The following CEP162 variants were observed in gnomAD, a reference collection of about 807,000 sequenced individuals.
CEP162 encodes the protein centrosomal protein of 162 kDa.
A neutral mutation model predicts 169.2 loss-of-function variants in CEP162; 141 were observed. The ratio of observed to expected loss-of-function variants is 0.83; its 90% CI spans 0.73 to 0.96. The LOEUF (loss-of-function observed/expected upper bound fraction) is 0.96. Ranked by LOEUF, CEP162 falls within the 40% of genes least tolerant of loss-of-function variation. The pLI is 0.00. For missense variants in CEP162, 1,600 were observed against 1,587.2 expected, an observed-to-expected ratio of 1.01 and a Z score of -0.14; for synonymous variants, 540 against 526.4, an observed-to-expected ratio of 1.03 and a Z score of -0.35.
rs148270508 is a variant in CEP162, at chr6:84,207,475, C to T, written c.572-3379G>A. Among the ~76,000 whole-genome samples, 431 of 148,304 alleles carry T rather than the reference C, an allele frequency of 2.9e-3. 2 individuals carry two copies. The highest frequency in any genetic ancestry group is 0.013 in the South Asian group (60 of 4,726). On this transcript the variant is annotated intron_variant, in intron 6 of 26. Transcript: ENST00000403245. ...AGCAAACTGTCGCAAGGACAGAAAA[C>T]GAAACACCGCATGTTCTCACTTATA... is the stretch of plus-strand genomic sequence containing the variant.
At chr6:84,203,076 A>G (rs184200376) in intron 7 of CEP162, among the ~76,000 whole-genome samples, 1 of 152,342 alleles carries the variant, frequency 6.6e-6, no homozygotes, top group East Asian at 1.9e-4. Context: ...ACATAACAAA[A>G]CAACAATATT....
At chr6:84,183,536 T>C (rs2099535803) in intron 13 of CEP162, among the ~76,000 whole-genome samples, 1 of 152,200 alleles carries the variant, frequency 6.6e-6, no homozygotes, top group Non-Finnish European at 1.5e-5. Context: ...CACCCTCTGG[T>C]ACCCAGATTC....
At chr6:84,168,875 T>C (rs1434452184) in intron 18 of CEP162, among the ~76,000 whole-genome samples, 2 of 152,198 alleles carry the variant, frequency 1.3e-5, no homozygotes, top group Non-Finnish European at 2.9e-5. Context: ...AGATACAGTC[T>C]CTGCTCTCTA....
At chr6:84,226,910 A>G (rs1018193878) in intron 1 of CEP162, among the ~76,000 whole-genome samples, 1 of 152,206 alleles carries the variant, frequency 6.6e-6, no homozygotes, top group African/African-American at 2.4e-5. Context: ...CGTAAAGCAG[A>G]CTGCATAGTT....
chr6:84,171,032 A>C (rs1172410986), intron 17 of CEP162, among the ~76,000 whole-genome samples: 3 of 152,194 alleles, frequency 2.0e-5, no homozygotes, highest in Admixed American at 6.5e-5. Context: ...CTCTGGTACA[A>C]TTTATTCTCC....
Position 84,222,435 on chromosome 6 carries a change from T to C in CEP162, c.58-1264A>G, listed in dbSNP as rs529338965. Among the ~76,000 whole-genome samples, 18 of 152,380 alleles carry C rather than the reference T, an allele frequency of 1.2e-4. No homozygotes were observed. The South Asian group carries it at 3.7e-3, about 32-fold the overall frequency. ...TATTTAACAGACTTTTCCAGGACTCTGCTCTTGATCCTTTTTCAATCTCAT... is the reference window on the plus strand; with the variant it reads ...TATTTAACAGACTTTTCCAGGACTCCGCTCTTGATCCTTTTTCAATCTCAT... On this transcript the variant is annotated intron_variant, in intron 2 of 26. Transcript: ENST00000403245.
intron 24 of CEP162, among the ~76,000 whole-genome samples, chr6:84,149,015 T>C (rs951180660): frequency 6.6e-6 from 1 of 152,196 alleles, no homozygotes; most frequent in African/African-American, 2.4e-5. Flanking sequence ...GAAATGCTGA[T>C]GAGTTGGCAG....
At chr6:84,143,545 A>G (rs1228568981) in intron 25 of CEP162, among the ~76,000 whole-genome samples, 1 of 152,028 alleles carries the variant, frequency 6.6e-6, no homozygotes, top group Non-Finnish European at 1.5e-5. Flanking sequence ...AATCTGTACT[A>G]AAGTAGAATG....
In CEP162 at chr6:84,152,798, C is replaced by T. The variant is rs895518334; in HGVS notation, c.3376G>A (p.Gly1126Ser). The T allele has an allele frequency of 1.9e-6, 3 of 1,613,494 alleles. No homozygotes were observed. Among genetic ancestry groups the T allele is most frequent in the Middle Eastern group, 3.3e-4 (2 of 6,062 alleles). Residue 1126 changes from glycine (G) to serine (S), a missense_variant, in exon 23 of 27, where the codon GGC (glycine) becomes AGC (serine). Physicochemically the swap from Gly to Ser is moderately conservative, Grantham distance 56. Coordinates refer to ENST00000403245, the MANE Select transcript of CEP162 (RefSeq NM_014895.4). ...CTTTTGGCAGACATTTCCTCTCTGC[C>T]CTTTGAGTTCTGATTTGATAGCATC... ...RMMLSNQNSKGREEMSAKRAK... is the reference protein window; with the variant it reads ...RMMLSNQNSKSREEMSAKRAK...
intron 13 of CEP162, among the ~76,000 whole-genome samples, chr6:84,180,492 C>A (rs1217033120): frequency 2.0e-5 from 3 of 151,526 alleles, no homozygotes; most frequent in African/African-American, 7.3e-5. Context: ...AAGTTCTGGC[C>A]AGGGCAATCA....
intron 17 of CEP162, 59 bp downstream of exon 17, chr6:84,171,547 A>G: frequency 1.6e-6 from 1 of 607,720 alleles, no homozygotes; most frequent in Non-Finnish European, 2.6e-6. Context: ...TTAACATAAT[A>G]AGAAAATGCT....
intron 13 of CEP162, among the ~76,000 whole-genome samples, chr6:84,178,150 CAAAT>C (rs10585276): frequency 0.1 from 15,917 of 152,054 alleles, 1,392 homozygotes; most frequent in African/African-American, 0.24. Context: ...GATCCTGAAT[CAAAT>C]AAACTGTAAA....
Position 84,132,963 on chromosome 6 carries a change from GCT to G in CEP162, c.3871-6453_3871-6452del, listed in dbSNP as rs558938939. Among the ~76,000 whole-genome samples, 694 of 152,144 alleles carry G rather than the reference GCT, an allele frequency of 4.6e-3. 8 individuals carry two copies. Among genetic ancestry groups the G allele is most frequent in the African/African-American group, 0.016 (661 of 41,508 alleles). ...GATTTTTGGAATTTTCAGCTTTTCT[GCT>G]CTGTTTTCTCCCCATCTTTGTGGTT... On this transcript the variant is annotated intron_variant, in intron 25 of 26. Transcript: ENST00000403245.
Position 84,125,151 on chromosome 6 carries a change from TA to T in CEP162, c.4130del (p.Leu1377Ter), listed in dbSNP as rs776008614. On this transcript the variant is annotated frameshift_variant, in exon 27 of 27. Coordinates refer to ENST00000403245, the MANE Select transcript of CEP162 (RefSeq NM_014895.4). LOFTEE classifies it high-confidence loss of function. ...GCCGGTGCAGCTCTCGGAGAACATC[TA>T]ATATTGAGTCTAGTTCTGTGCGGAA... ...EKFRTELDSI[L>X]DVLRELHRQG... 3.1e-6 allele frequency: 5 copies of T among 1,613,598 alleles called. No homozygotes were observed. Among genetic ancestry groups the T allele is most frequent in the Non-Finnish European group, 4.2e-6 (5 of 1,179,676 alleles).
rs70987776 is a variant in CEP162 at position 84,202,518 on chromosome 6, C to CTTTTTTTTTTTTTTTTTTTTTTTTTT, written c.688-777_688-752dup. ...CATTTTTCTTTTCTTTTCTTTCTTTCTTTTTTTTTTTTTTTTTTTTTTTTT... is the reference window on the plus strand; with the variant it reads ...CATTTTTCTTTTCTTTTCTTTCTTTCTTTTTTTTTTTTTTTTTTTTTTTTTTTTTTTTTTTTTTTTTTTTTTTTTTT... On this transcript the variant is annotated intron_variant, in intron 7 of 26. Transcript: ENST00000403245. 1.5e-4 allele frequency among the ~76,000 whole-genome samples: 14 copies of CTTTTTTTTTTTTTTTTTTTTTTTTTT among 90,748 alleles called. 1 individual carries two copies. Among genetic ancestry groups the CTTTTTTTTTTTTTTTTTTTTTTTTTT allele is most frequent in the Non-Finnish European group, 2.4e-4 (12 of 49,814 alleles). The allele number at this position is 90,748 out of a possible 152,430, so 59.5% of individuals were successfully genotyped here.
In CEP162 at chr6:84,164,862, TAAACA is replaced by T. The variant is rs531469458; in HGVS notation, c.2386-1597_2386-1593del. On this transcript the variant is annotated intron_variant, in intron 18 of 26. Transcript: ENST00000403245. ...ATGTATCCCAGAACTTAAAGTAAAA[TAAACA>T]AAACAAAACAAACAAAAAAAAAGAA... Among the ~76,000 whole-genome samples the T allele has an allele frequency of 3.2e-3, 490 of 151,732 alleles. 2 individuals are homozygous for T. Among genetic ancestry groups the T allele is most frequent in the African/African-American group, 0.011 (453 of 41,330 alleles).
In CEP162 at chr6:84,215,757, T is replaced by C. The variant is rs370719950; in HGVS notation, c.319+19A>G. ...TAACAATTAATAATTTACCAACTCATATCCCTTGCATTTCTTACCATTTGT... is the reference window on the plus strand; with the variant it reads ...TAACAATTAATAATTTACCAACTCACATCCCTTGCATTTCTTACCATTTGT... On this transcript the variant is annotated intron_variant, in intron 4 of 26. Coordinates refer to ENST00000403245, the MANE Select transcript of CEP162 (RefSeq NM_014895.4). 7.6e-6 allele frequency: 12 copies of C among 1,570,402 alleles called. No individual in the cohort carries two copies. The African/African-American group carries it at 1.4e-4, about 18-fold the overall frequency.
rs772999244 is a variant in CEP162 at position 84,153,157 on chromosome 6, T to C, written c.3017A>G (p.Glu1006Gly). ...GCAGGCAAGTAGCTGCTCCTGCTGC[T>C]CTAGTCTTTGTTCATACTGAATCTG... ...KMKIQYEQRL[E>G]QQEQLLACKL... Residue 1006 changes from glutamate to glycine, a missense_variant, in exon 23 of 27, where the codon GAG becomes GGG. Physicochemically the swap from Glu to Gly is moderately conservative, Grantham distance 98. Coordinates refer to ENST00000403245, the MANE Select transcript of CEP162 (RefSeq NM_014895.4). The C allele has an allele frequency of 1.9e-6, 3 of 1,605,230 alleles. No homozygotes were observed. The highest frequency in any genetic ancestry group is 4.5e-5 in the East Asian group (2 of 44,814).
rs2099531774 is a variant in CEP162, at chr6:84,174,873, T to G, written c.1879A>C (p.Arg627=). The G allele has an allele frequency of 2.6e-6, 4 of 1,566,490 alleles. No individual in the cohort carries two copies. The East Asian group carries it at 9.1e-5, about 36-fold the overall frequency. ...TGCTCAATTAGGGCTTGCGCACCCC[T>G]CCATTTATCCTCTGCTTCCTGAACT... ...KRVQEAEDKW[R]GAQALIEQIK... is the part of the protein sequence containing the mutation. The change falls in exon 15 of 27, where the codon AGG becomes CGG. Residue 627 remains arginine (R), a synonymous_variant. Transcript: ENST00000403245.
Sources: gnomAD v4.1 joint callset for allele counts (sites outside exome capture counted in the v4.1 genomes callset) on GRCh38, gnomAD v4.1.1 for gene constraint, MANE v1.5 for transcripts, NCBI Gene and HGNC (gene_info 2026-07-23, HGNC 2026-07-21) for gene names.